The following IGF2 variants were observed in gnomAD, a reference collection of about 807,000 sequenced individuals.
IGF2 encodes the protein insulin like growth factor 2.
In IGF2, 2 loss-of-function variants were observed where a neutral mutation model predicts 12.0. The observed-to-expected ratio is 0.17, with a 90% confidence interval of 0.07 to 0.52. IGF2 has a LOEUF of 0.52. Ranked by LOEUF, IGF2 falls within the 20% of genes least tolerant of loss-of-function variation. IGF2 has a pLI of 0.95. For synonymous variants in IGF2, 105 were observed against 110.1 expected (o/e 0.95, Z 0.29); for missense variants, 211 against 268.0 (o/e 0.79, Z 1.48).
chr11:2,148,948 C>A, the IGF2 span: 1 of 620,162 alleles, frequency 1.6e-6, no homozygotes, highest in Non-Finnish European at 2.8e-6. The surrounding 1 kb of genome is among the most constrained non-coding windows in gnomAD (Gnocchi z 4.3). Context: ...CCTGCACACC[C>A]CATCCCTGAA....
rs1590112750 is a variant in IGF2 at position 2,132,557 on chromosome 11, T to C, written c.*430A>G. 4.8e-6 allele frequency: 1 copy of C among 209,458 alleles called. No individual in the cohort carries two copies. The highest frequency in any genetic ancestry group is 7.0e-5 in the East Asian group (1 of 14,344). 13.0% of individuals were successfully genotyped at this position (209,458 alleles called of 1,614,324 possible). A position where few individuals can be genotyped will look rare whatever the true frequency, so the allele number is the denominator to read the frequency against. The stretch of plus-strand genomic sequence containing the variant: ...ATTCGTTTTTAATACTTTTTTTTTT[T>C]AGCCAATTGATTTTTTTTGGTGGTT... On this transcript the variant is annotated 3_prime_UTR_variant, in exon 4 of 4. Transcript: ENST00000416167.
upstream of IGF2, chr11:2,140,364 A>C: frequency 2.1e-6 from 3 of 1,407,364 alleles, no homozygotes; most frequent in Non-Finnish European, 2.9e-6. Flanking sequence ...CACGCACAAA[A>C]TCCCGCACCC....
At position 2,138,418 on chromosome 11, in the gene IGF2, C is replaced by A. The variant is rs566147675; in HGVS notation, c.-196G>T. On this transcript the variant is annotated 5_prime_UTR_variant, in exon 1 of 4. Transcript: ENST00000416167. Reference sequence around the variant, plus strand: ...GGGGGGGGAGAATTCGTCTGATTGTCCAGGGAGGACGGGCTGTCTTCGGGC... The same window carrying A: ...GGGGGGGGAGAATTCGTCTGATTGTACAGGGAGGACGGGCTGTCTTCGGGC... 75 of 737,146 alleles carry A rather than the reference C, an allele frequency of 1.0e-4. 1 individual carries two copies. In the South Asian group the frequency reaches 4.0e-3, roughly 39 times the overall value. 45.7% of individuals were successfully genotyped at this position (737,146 alleles called of 1,614,324 possible).
In IGF2 at chr11:2,132,927, C is replaced by G. The variant is rs3213234; in HGVS notation, c.*60G>C. The G allele has an allele frequency of 8.6e-7, 1 of 1,160,068 alleles. No individual in the cohort carries two copies. The highest frequency in any genetic ancestry group is 1.2e-6 in the Non-Finnish European group (1 of 825,142). 71.9% of individuals were successfully genotyped at this position (1,160,068 alleles called of 1,614,324 possible). A position where few individuals can be genotyped will look rare whatever the true frequency, so the allele number is the denominator to read the frequency against. On this transcript the variant is annotated 3_prime_UTR_variant, in exon 4 of 4. Transcript: ENST00000416167. ...CGGGATGGAACCTGATGGAAACGTC[C>G]GTGGTCAGGAGGAGGCTGCAGGATG...
At position 2,136,902 on chromosome 11, in the gene IGF2, G is replaced by C. The variant is rs539202856; in HGVS notation, c.-7+1327C>G. ...GGGTCAGGGGACCGGCAGAAAGCAG[G>C]ACAGGAAGCATGCAGCGGTGCGGAG... is the stretch of plus-strand genomic sequence containing the variant. On this transcript the variant is annotated intron_variant, in intron 1 of 3. Transcript: ENST00000416167. Among the ~76,000 whole-genome samples the C allele has an allele frequency of 2.6e-5, 4 of 152,380 alleles. No individual in the cohort carries two copies. In the South Asian group the frequency reaches 8.3e-4, roughly 32 times the overall value.
upstream of IGF2, chr11:2,140,450 TCGCCCCCCTCGCTC>T: frequency 2.4e-6 from 1 of 420,446 alleles, no homozygotes; most frequent in Non-Finnish European, 3.6e-6. Flanking sequence ...CTGGCCCCCC[TCGCCCCCCTCGCTC>T]CGCCATCAAT....
Position 2,138,055 on chromosome 11 carries a change from G to C in IGF2, c.-7+174C>G, listed in dbSNP as rs550228370. Reference sequence around the variant, plus strand: ...GAGCGCGGGGCTCCGCGCAGGGAACGGGACCCGCAGCCGTCCGTCCTCCTC... The same window carrying C: ...GAGCGCGGGGCTCCGCGCAGGGAACCGGACCCGCAGCCGTCCGTCCTCCTC... On this transcript the variant is annotated intron_variant, in intron 1 of 3. Transcript: ENST00000416167. 2.4e-3 allele frequency among the ~76,000 whole-genome samples: 364 copies of C among 151,844 alleles called. 2 individuals are homozygous for C. The highest frequency in any genetic ancestry group is 8.4e-3 in the African/African-American group (350 of 41,426).
At chr11:2,145,776 T>C (rs1036302597), upstream of IGF2, among the ~76,000 whole-genome samples, 4 of 152,078 alleles carry the variant, frequency 2.6e-5, no homozygotes, top group Admixed American at 2.6e-4. Context: ...AGTGCTCTCC[T>C]TATTTAGTCA....
intron 1 of IGF2, chr11:2,137,415 C>T (rs1302582917): frequency 5.5e-6 from 1 of 182,002 alleles, no homozygotes; most frequent in African/African-American, 2.4e-5. Flanking sequence ...TCTCCCTCCT[C>T]CCAGCCAGTC....
At chr11:2,135,799 G>T (rs76060202) in intron 1 of IGF2, among the ~76,000 whole-genome samples, 1 of 152,202 alleles carries the variant, frequency 6.6e-6, no homozygotes, top group African/African-American at 2.4e-5. Flanking sequence ...AATTTTACAC[G>T]AGGGGTGACC....
chr11:2,139,261 C>T lies in IGF2; in HGVS notation c.-1039G>A, dbSNP rs1388707793. On this transcript the variant is annotated 5_prime_UTR_variant, in exon 1 of 4. Coordinates refer to ENST00000416167, the MANE Select transcript of IGF2 (RefSeq NM_000612.6). The stretch of plus-strand genomic sequence containing the variant: ...AGCGAGGCAGCGGGCGGCGTCGACG[C>T]GGGGCCGCCTTGCCCGATGGAGGCG... 2.9e-5 allele frequency: 4 copies of T among 138,640 alleles called. No homozygotes were observed. The highest frequency in any genetic ancestry group is 1.1e-4 in the African/African-American group (4 of 38,004). 8.6% of individuals were successfully genotyped at this position (138,640 alleles called of 1,614,324 possible).
Position 2,138,911 on chromosome 11 carries a change from G to C in IGF2, c.-689C>G. 1.0e-6 allele frequency: 1 copy of C among 984,864 alleles called. No homozygotes were observed. The highest frequency in any genetic ancestry group is 4.7e-5 in the South Asian group (1 of 21,256). The allele number at this position is 984,864 out of a possible 1,614,324, so 61.0% of individuals were successfully genotyped here. On this transcript the variant is annotated 5_prime_UTR_variant, in exon 1 of 4. Transcript: ENST00000416167. ...GCTGCACCCGGACCGCGGGCGCCCA[G>C]CTCGGTTTGGGCCGACGGAGCCCTC...
Position 2,138,594 on chromosome 11 carries a change from A to T in IGF2, c.-372T>A. 5 of 943,140 alleles carry T rather than the reference A, an allele frequency of 5.3e-6. No homozygotes were observed. Among genetic ancestry groups the T allele is most frequent in the Non-Finnish European group, 6.3e-6 (5 of 793,982 alleles). The allele number at this position is 943,140 out of a possible 1,614,324, so 58.4% of individuals were successfully genotyped here. A position where few individuals can be genotyped will look rare whatever the true frequency, so the allele number is the denominator to read the frequency against. The stretch of plus-strand genomic sequence containing the variant: ...GCCGAAGAGAGGGCGAGGGGGAGAG[A>T]GGACAGCGAGAGGCGGGCAGGCGCA... On this transcript the variant is annotated 5_prime_UTR_variant, in exon 1 of 4. Transcript: ENST00000416167.
chr11:2,149,260 C>G, the IGF2 span: 4 of 1,613,594 alleles, frequency 2.5e-6, no homozygotes, highest in Non-Finnish European at 2.5e-6. Context: ...TATTAGCAGT[C>G]ACCACCAAAG....
At chr11:2,145,910 C>G (rs900874873), upstream of IGF2, among the ~76,000 whole-genome samples, 1 of 152,136 alleles carries the variant, frequency 6.6e-6, no homozygotes, top group Admixed American at 6.5e-5. Context: ...GCTCCTCCCC[C>G]ACTACTTCCA....
At chr11:2,143,606 G>C (rs1036554890), upstream of IGF2, among the ~76,000 whole-genome samples, 6 of 152,246 alleles carry the variant, frequency 3.9e-5, no homozygotes, top group Admixed American at 6.5e-5. Flanking sequence ...GGACCTGGAG[G>C]GGGTGTATAA....
chr11:2,142,225 A>C (rs1314716636), upstream of IGF2, among the ~76,000 whole-genome samples: 1 of 151,472 alleles, frequency 6.6e-6, no homozygotes, highest in Non-Finnish European at 1.5e-5. The surrounding 1 kb of genome is among the most constrained non-coding windows in gnomAD (Gnocchi z 5.7). Context: ...AAAAAACCTC[A>C]ATTGTTTTGT....
upstream of IGF2, chr11:2,140,930 C>A: frequency 2.8e-6 from 1 of 363,262 alleles, no homozygotes; most frequent in South Asian, 2.0e-5. Flanking sequence ...CTGTGGCAGG[C>A]GGTGGACGCT....
the IGF2 span, chr11:2,148,824 C>G: frequency 2.3e-6 from 1 of 438,550 alleles, no homozygotes; most frequent in Non-Finnish European, 4.1e-6. This position sits in a 1 kb window ranked among gnomAD's most constrained non-coding sequence, Gnocchi z 4.3. Flanking sequence ...TAGCCCTCCT[C>G]CCCTACCCCT....
Sources: gnomAD v4.1 joint callset for allele counts (sites outside exome capture counted in the v4.1 genomes callset) on GRCh38, gnomAD v4.1.1 for gene constraint, Gnocchi (gnomAD v3.1) non-coding constraint, MANE v1.5 for transcripts, NCBI Gene and HGNC (gene_info 2026-07-23, HGNC 2026-07-21) for gene names.